Variants in DLG3 observed in about 807,000 individuals in gnomAD.
DLG3 encodes the protein disks large homolog 3.
Under a neutral mutation model 64.1 loss-of-function variants are expected in DLG3, and 1 was observed. The observed-to-expected ratio is 0.02, with a 90% CI of 0.01 to 0.07. The LOEUF (loss-of-function observed/expected upper bound fraction) is 0.07. Among genes scored for constraint, DLG3 ranks in the 10% least tolerant of loss-of-function variants. The pLI is 1.00. For missense variants in DLG3, 429 were observed against 669.5 expected, an observed-to-expected ratio of 0.64 and a Z score of 3.96; for synonymous variants, 245 against 259.8, an observed-to-expected ratio of 0.94 and a Z score of 0.55.
chrX:70,476,195 C>T lies in DLG3; in HGVS notation c.1406-2955C>T, dbSNP rs975073978. Among the ~76,000 whole-genome samples, 4 of 112,006 alleles carry T rather than the reference C, an allele frequency of 3.6e-5. No individual in the cohort carries two copies. The East Asian group carries it at 8.4e-4, about 23-fold the overall frequency. ...AGCAACTGGGAAAAAGGAAAGAGGG[C>T]GATGACTGGATATCTTTGTGGGTCA... is the stretch of plus-strand genomic sequence containing the variant. On this transcript the variant is annotated intron_variant, in intron 9 of 18. Coordinates refer to ENST00000374360, the MANE Select transcript of DLG3 (RefSeq NM_021120.4).
At chrX:70,447,234 G>A (rs982322825) in intron 1 of DLG3, among the ~76,000 whole-genome samples, 8 of 111,515 alleles carry the variant, frequency 7.2e-5, no homozygotes, top group South Asian at 7.6e-4. Flanking sequence ...CACTGGGAAC[G>A]GGAAGCCTCT....
chrX:70,471,938 A>T (rs1008856351), intron 9 of DLG3, among the ~76,000 whole-genome samples: 9 of 111,689 alleles, frequency 8.1e-5, no homozygotes, highest in African/African-American at 2.9e-4. Flanking sequence ...CACTCCCAGA[A>T]TAATTTTCCC....
chrX:70,452,170 C>T (rs1254612999), intron 7 of DLG3, 144 bp downstream of exon 7: 12 of 1,081,671 alleles, frequency 1.1e-5, no homozygotes, highest in Non-Finnish European at 1.5e-5. Flanking sequence ...GGGTCCGAGG[C>T]CCTCTCTCAG....
At chrX:70,455,007 G>A in intron 9 of DLG3, 1 of 753,292 alleles carries the variant, frequency 1.3e-6, no homozygotes, top group Non-Finnish European at 1.6e-6. Flanking sequence ...GCGGGCCAGT[G>A]GAGTGGCCAT....
At chrX:70,454,733 C>T (rs949787804) in intron 9 of DLG3, among the ~76,000 whole-genome samples, 1 of 112,061 alleles carries the variant, frequency 8.9e-6, no homozygotes, top group African/African-American at 3.2e-5. Context: ...TTGGGCCAAA[C>T]CTCTGTGACC....
At chrX:70,465,190 G>C (rs758216676) in intron 9 of DLG3, among the ~76,000 whole-genome samples, 7 of 111,934 alleles carry the variant, frequency 6.3e-5, no homozygotes, top group Non-Finnish European at 1.3e-4. Context: ...AAAAAGTCTT[G>C]TCAGCCTGAT....
chrX:70,480,463 C>T (rs933195259), intron 10 of DLG3, among the ~76,000 whole-genome samples: 37 of 111,796 alleles, frequency 3.3e-4, no homozygotes, highest in African/African-American at 1.1e-3. Flanking sequence ...TAATGTGAAC[C>T]CTCAACTCCA....
intron 9 of DLG3, among the ~76,000 whole-genome samples, chrX:70,472,667 A>T (rs1032466810): frequency 8.9e-6 from 1 of 112,207 alleles, no homozygotes; most frequent in African/African-American, 3.2e-5. Context: ...GGCTTCTTAT[A>T]CTAGGGGCTG....
chrX:70,478,136 G>A (rs992086420), intron 9 of DLG3, among the ~76,000 whole-genome samples: 4 of 112,290 alleles, frequency 3.6e-5, no homozygotes, highest in African/African-American at 1.3e-4. Flanking sequence ...CACGGCCTGT[G>A]GCCTTAGATA....
intron 9 of DLG3, among the ~76,000 whole-genome samples, chrX:70,471,760 T>C (rs1036754232): frequency 2.7e-5 from 3 of 111,834 alleles, no homozygotes; most frequent in African/African-American, 9.7e-5. Context: ...ATTTCTTTTT[T>C]GTCTTTCTCC....
rs377652235 is a variant in DLG3, at chrX:70,464,907, G to T, written c.1405+10591G>T. On this transcript the variant is annotated intron_variant, in intron 9 of 18. Coordinates refer to ENST00000374360, the MANE Select transcript of DLG3 (RefSeq NM_021120.4). ...GGAGGCGGAGGTTGCAGTGGGCTGA[G>T]ATGGCACCACTGTGCTAAAAAAGCA... Among the ~76,000 whole-genome samples the T allele has an allele frequency of 2.5e-4, 28 of 111,990 alleles. No individual in the cohort carries two copies. In the South Asian group the frequency reaches 7.9e-3, roughly 32 times the overall value.
At chrX:70,453,363 T>G in intron 7 of DLG3, 1 of 308,883 alleles carries the variant, frequency 3.2e-6, no homozygotes, top group Non-Finnish European at 5.6e-6. Context: ...GAGTTCAGGG[T>G]AGGGATTTGT....
At position 70,476,007 on chromosome X, in the gene DLG3, A is replaced by C. The variant is rs1174355443; in HGVS notation, c.1406-3143A>C. Among the ~76,000 whole-genome samples the C allele has an allele frequency of 3.6e-5, 4 of 111,948 alleles. No individual in the cohort carries two copies. The East Asian group carries it at 1.1e-3, about 31-fold the overall frequency. The stretch of plus-strand genomic sequence containing the variant: ...ATCACACTGATGCTTGTTAAAATGC[A>C]GATTCCTGGGCCCCTGCTCAGTAGA... On this transcript the variant is annotated intron_variant, in intron 9 of 18. Transcript: ENST00000374360.
intron 7 of DLG3, chrX:70,452,754 A>G (rs1051718631): frequency 1.3e-5 from 15 of 1,182,211 alleles, no homozygotes; most frequent in Non-Finnish European, 1.7e-5. Context: ...AGGGGATGCC[A>G]GGTAGGAGTG....
chrX:70,475,290 G>T (rs1165401331), intron 9 of DLG3, among the ~76,000 whole-genome samples: 1 of 112,124 alleles, frequency 8.9e-6, no homozygotes, highest in Admixed American at 9.4e-5. Flanking sequence ...ATAAATTATG[G>T]TCTGTCCATA....
chrX:70,450,532 G>T, intron 5 of DLG3, 107 bp from the exon 6 acceptor site: 1 of 1,032,274 alleles, frequency 9.7e-7, no homozygotes. Flanking sequence ...ACTATACTTG[G>T]GCCTTTGTTA....
intron 13 of DLG3, among the ~76,000 whole-genome samples, 194 bp from the exon 14 acceptor site, chrX:70,498,326 A>G (rs770212037): frequency 1.8e-5 from 2 of 112,311 alleles, no homozygotes; most frequent in Non-Finnish European, 3.8e-5. Context: ...ACTGAACAAG[A>G]GAACTGCTGA....
Position 70,502,216 on chromosome X carries a change from ATTGAGGACCAGTCTGGG to A in DLG3, c.2402_2418del (p.Ile801ThrfsTer9). 1 of 1,209,763 alleles carries A rather than the reference ATTGAGGACCAGTCTGGG, an allele frequency of 8.3e-7. No individual in the cohort carries two copies. Among genetic ancestry groups the A allele is most frequent in the Non-Finnish European group, 1.1e-6 (1 of 894,399 alleles). ...GATTTATAACAAAATCAAACAAATC[ATTGAGGACCAGTCTGGG>A]CACTACATTTGGGTCCCATCCCCTG... On this transcript the variant is annotated frameshift_variant, in exon 19 of 19. Coordinates refer to ENST00000374360, the MANE Select transcript of DLG3 (RefSeq NM_021120.4). LOFTEE classifies it high-confidence loss of function.
At chrX:70,481,452 G>A (rs928046635) in intron 10 of DLG3, among the ~76,000 whole-genome samples, 3 of 112,083 alleles carry the variant, frequency 2.7e-5, no homozygotes, top group South Asian at 7.4e-4. Context: ...GAGGAAAATG[G>A]GGCTCTTTCC....
Sources: gnomAD v4.1 joint callset for allele counts (sites outside exome capture counted in the v4.1 genomes callset) on GRCh38, gnomAD v4.1.1 for gene constraint, MANE v1.5 for transcripts, NCBI Gene and HGNC (gene_info 2026-07-23, HGNC 2026-07-21) for gene names.